The following NAV3 variants were observed in gnomAD, a reference collection of about 807,000 sequenced individuals.
NAV3 encodes pore membrane and/or filament interacting like protein 1.
Under a neutral mutation model 244.7 loss-of-function variants are expected in NAV3, and 87 were observed. The observed-to-expected ratio is 0.36, with a 90% CI of 0.30 to 0.42. The LOEUF is 0.42. Among genes scored for constraint, NAV3 ranks in the 20% least tolerant of loss-of-function variants. The probability of loss-of-function intolerance (pLI) is 1.00; values close to 1 mark genes in which losing one functional copy is unlikely to be tolerated. For missense variants in NAV3, 2,663 were observed against 2,893.3 expected (o/e 0.92, Z 1.83); for synonymous variants, 1,126 against 1,042.2 (o/e 1.08, Z -1.55).
chr12:77,840,289 A>T (rs1409937159), intron 1 of NAV3, among the ~76,000 whole-genome samples: 2 of 152,174 alleles, frequency 1.3e-5, no homozygotes, highest in African/African-American at 2.4e-5. Context: ...ATGCCATTGT[A>T]AAGAGTTTGG....
At chr12:78,089,762 G>T (rs777247935) in intron 12 of NAV3, among the ~76,000 whole-genome samples, 2 of 152,110 alleles carry the variant, frequency 1.3e-5, no homozygotes, top group Non-Finnish European at 2.9e-5. Context: ...CCTGTTGACA[G>T]TACTTCCTTT....
chr12:78,052,220 C>A (rs1272112655), intron 11 of NAV3: 1 of 151,434 alleles, frequency 6.6e-6, no homozygotes, highest in Non-Finnish European at 1.5e-5. Flanking sequence ...GGTGACACGA[C>A]CTAAAAAAGA....
rs1425257801 is a variant in NAV3 at position 78,117,226 on chromosome 12, A to G, written c.2769+322A>G. Reference sequence around the variant, plus strand: ...TACATTACATATTTATATATATGTAATATATGTGCCATATAGCCTGGTGGT... The same window carrying G: ...TACATTACATATTTATATATATGTAGTATATGTGCCATATAGCCTGGTGGT... On this transcript the variant is annotated intron_variant, in intron 13 of 39. Transcript: ENST00000397909. Among the ~76,000 whole-genome samples, 6 of 131,236 alleles carry G rather than the reference A, an allele frequency of 4.6e-5. No homozygotes were observed. The South Asian group carries it at 9.5e-4, about 21-fold the overall frequency. The allele number at this position is 131,236 out of a possible 152,430, so 86.1% of individuals were successfully genotyped here. A position where few individuals can be genotyped will look rare whatever the true frequency, so the allele number is the denominator to read the frequency against.
intron 12 of NAV3, chr12:78,088,665 C>T (rs145854260): frequency 8.4e-4 from 128 of 152,240 alleles, no homozygotes; most frequent in African/African-American, 3.0e-3. Context: ...ATAAATCCTA[C>T]TGTTCTTGTG....
chr12:78,050,112 A>AT lies in NAV3; in HGVS notation c.2132+15dup. On this transcript the variant is annotated intron_variant, in intron 10 of 39. Coordinates refer to ENST00000397909, the MANE Select transcript of NAV3 (RefSeq NM_001024383.2). ...TCAGATAAGCCACAGGTTTTTTTCA[A>AT]TTTTGCATATATTTGAGCCAATAAA... is the stretch of plus-strand genomic sequence containing the variant. 1 of 1,567,868 alleles carries AT rather than the reference A, an allele frequency of 6.4e-7. No homozygotes were observed. The highest frequency in any genetic ancestry group is 8.7e-7 in the Non-Finnish European group (1 of 1,147,740).
intron 2 of NAV3, among the ~76,000 whole-genome samples, chr12:77,628,530 T>C (rs1043987742): frequency 1.3e-5 from 2 of 152,238 alleles, no homozygotes; most frequent in Non-Finnish European, 2.9e-5. Flanking sequence ...GTAATTTTTA[T>C]AAACTATTAA....
intron 5 of NAV3, among the ~76,000 whole-genome samples, chr12:77,977,691 C>T (rs74106286): frequency 0.11 from 6,989 of 66,030 alleles, 362 homozygotes; most frequent in African/African-American, 0.18. Flanking sequence ...TATATATATA[C>T]ACACACACAC....
chr12:77,875,383 T>C (rs1565880306), intron 1 of NAV3, among the ~76,000 whole-genome samples: 1 of 152,040 alleles, frequency 6.6e-6, no homozygotes. Context: ...AAAGAGCACC[T>C]CCTCACTTCT....
chr12:78,078,691 G>T (rs951512008), intron 12 of NAV3, among the ~76,000 whole-genome samples: 2 of 151,818 alleles, frequency 1.3e-5, no homozygotes, highest in African/African-American at 4.8e-5. Context: ...CACCGCGCCC[G>T]GCCTCTTTCC....
intron 2 of NAV3, among the ~76,000 whole-genome samples, chr12:77,721,452 T>G (rs963409024): frequency 2.7e-4 from 41 of 152,298 alleles, no homozygotes; most frequent in African/African-American, 8.9e-4. Context: ...GGCTTACTTC[T>G]CTCATATATC....
At chr12:78,003,284 G>T (rs757075357) in intron 7 of NAV3, among the ~76,000 whole-genome samples, 7 of 151,972 alleles carry the variant, frequency 4.6e-5, no homozygotes, top group Non-Finnish European at 5.9e-5. Flanking sequence ...TGTTGTTGTG[G>T]AATTAAAGTC....
intron 1 of NAV3, among the ~76,000 whole-genome samples, chr12:77,836,718 C>A (rs953947151): frequency 6.6e-6 from 1 of 152,160 alleles, no homozygotes; most frequent in African/African-American, 2.4e-5. Flanking sequence ...TTTACCCTAT[C>A]ATCCAAATCT....
At chr12:77,949,164 G>A (rs1890643502) in intron 3 of NAV3, among the ~76,000 whole-genome samples, 1 of 151,918 alleles carries the variant, frequency 6.6e-6, no homozygotes, top group African/African-American at 2.4e-5. Flanking sequence ...GAAATACTGG[G>A]AAATCATTAC....
rs192217537 is a variant in NAV3, at chr12:78,016,030, T to C, written c.1908-5717T>C. 2.0e-3 allele frequency among the ~76,000 whole-genome samples: 299 copies of C among 152,270 alleles called. 1 individual carries two copies. The Middle Eastern group carries it at 0.031, about 16-fold the overall frequency. The stretch of plus-strand genomic sequence containing the variant: ...ACTGGGAGCCCCTTCAAACTGGCTG[T>C]GTCTCCTTTCCAACTGCCCTATCAC... On this transcript the variant is annotated intron_variant, in intron 8 of 39. Transcript: ENST00000397909.
chr12:78,007,435 T>C lies in NAV3; in HGVS notation c.1897T>C (p.Phe633Leu), dbSNP rs2136602891. Residue 633 changes from phenylalanine to leucine, a missense_variant, in exon 8 of 40, where the codon TTC becomes CTC. Phe to Leu is a conservative substitution (Grantham distance 22, BLOSUM62 0). Transcript: ENST00000397909. ...SHPNTATVAP[F>L]IYRAHSENEG... ...CCCGAATACCGCGACAGTGGCACCA[T>C]TCATTTACAGGTAAGGTGGCCTCTG... The C allele has an allele frequency of 1.2e-6, 2 of 1,613,190 alleles. No homozygotes were observed. Among genetic ancestry groups the C allele is most frequent in the Admixed American group, 1.7e-5 (1 of 59,952 alleles).
At chr12:77,577,755 C>T (rs1869159097) in intron 2 of NAV3, among the ~76,000 whole-genome samples, 1 of 151,964 alleles carries the variant, frequency 6.6e-6, no homozygotes, top group South Asian at 2.1e-4. Flanking sequence ...AAAGTTTTCT[C>T]AGTTTTAATT....
At chr12:77,692,624 A>G (rs1170683629) in intron 2 of NAV3, among the ~76,000 whole-genome samples, 1 of 152,146 alleles carries the variant, frequency 6.6e-6, no homozygotes, top group African/African-American at 2.4e-5. Flanking sequence ...CTGAGCTGCT[A>G]CCAATGCCTA....
intron 9 of NAV3, among the ~76,000 whole-genome samples, chr12:78,039,139 T>C (rs1479352348): frequency 6.6e-6 from 1 of 152,168 alleles, no homozygotes; most frequent in Non-Finnish European, 1.5e-5. Flanking sequence ...GTGATATGAA[T>C]AATCATATCT....
At chr12:78,074,242 A>G (rs548280715) in intron 12 of NAV3, among the ~76,000 whole-genome samples, 33 of 152,350 alleles carry the variant, frequency 2.2e-4, no homozygotes, top group African/African-American at 6.7e-4. Context: ...ATTCTTGGAT[A>G]TTTTATAGAC....
Sources: allele counts gnomAD v4.1 joint callset (sites outside exome capture counted in the v4.1 genomes callset), GRCh38; gene constraint gnomAD v4.1.1; transcripts MANE v1.5; gene names NCBI Gene and HGNC (gene_info 2026-07-23, HGNC 2026-07-21).